Variants in CPAMD8 observed in about 807,000 individuals in gnomAD.
CPAMD8 encodes the protein C3 and PZP-like alpha-2-macroglobulin domain-containing protein 8.
CPAMD8 carries 146 observed loss-of-function variants against 224.7 expected under a neutral mutation model. That is an observed-to-expected ratio of 0.65 (90% CI 0.57 to 0.75). The LOEUF is 0.75. Among genes scored for constraint, CPAMD8 ranks in the 30% least tolerant of loss-of-function variants. The pLI is 0.00. For synonymous variants in CPAMD8, 966 were observed against 1,044.6 expected, an observed-to-expected ratio of 0.92 and a Z score of 1.45; for missense variants, 2,301 against 2,537.5, an observed-to-expected ratio of 0.91 and a Z score of 2.00.
chr19:16,948,895 AGGG>A (rs2054203242), intron 20 of CPAMD8, among the ~76,000 whole-genome samples: 1 of 83,774 alleles, frequency 1.2e-5, no homozygotes, highest in African/African-American at 4.9e-5. Context: ...AGGGAAGGGA[AGGG>A]AAGGGAAGGG....
chr19:16,900,513 G>A (rs2052208862), intron 36 of CPAMD8, among the ~76,000 whole-genome samples: 1 of 152,090 alleles, frequency 6.6e-6, no homozygotes, highest in South Asian at 2.1e-4. Context: ...CAGGAGAATT[G>A]CTTGAACCGG....
At chr19:16,915,389 C>T (rs1286284924) in intron 27 of CPAMD8, among the ~76,000 whole-genome samples, 1 of 152,080 alleles carries the variant, frequency 6.6e-6, no homozygotes, top group Non-Finnish European at 1.5e-5. Context: ...GAGGGAATAC[C>T]CAGGGATGGA....
At chr19:16,995,991 A>T (rs1023364301) in intron 11 of CPAMD8, among the ~76,000 whole-genome samples, 1 of 151,984 alleles carries the variant, frequency 6.6e-6, no homozygotes, top group Non-Finnish European at 1.5e-5. Flanking sequence ...CTCTACTAAA[A>T]ATACAAAAAT....
intron 18 of CPAMD8, among the ~76,000 whole-genome samples, chr19:16,970,238 C>CA (rs34399675): frequency 0.091 from 8,393 of 92,600 alleles, 1,160 homozygotes; most frequent in African/African-American, 0.3. Context: ...GACTCTGTCT[C>CA]AAAAAAAAAA....
At chr19:16,971,156 G>T (rs2055049873) in intron 17 of CPAMD8, 123 bp from the exon 18 acceptor site, 1 of 815,806 alleles carries the variant, frequency 1.2e-6, no homozygotes, top group Non-Finnish European at 1.9e-6. Context: ...AACCTTGGGG[G>T]CATCATTCTT....
In CPAMD8 at chr19:17,011,665, C is replaced by T. The variant is rs375926741; in HGVS notation, c.360G>A (p.Ser120=). Residue 120 remains serine, a synonymous_variant, in exon 4 of 42, where the codon TCG becomes TCA. Transcript: ENST00000443236. ...AAGCGCCCCGGCCGTCCACGGTCAC[C>T]GAGGTCTGGTTGTGAAAGAGGGGCC... ...EEGPLFHNQT[S]VTVDGRGASV... 20 of 1,613,940 alleles carry T rather than the reference C, an allele frequency of 1.2e-5. No homozygotes were observed. The highest frequency in any genetic ancestry group is 8.3e-5 in the Admixed American group (5 of 59,994).
At chr19:16,935,111 T>C (rs192628890) in intron 23 of CPAMD8, among the ~76,000 whole-genome samples, 2 of 152,322 alleles carry the variant, frequency 1.3e-5, no homozygotes, top group Admixed American at 1.3e-4. Flanking sequence ...TGTTTTTAAC[T>C]TAAAGTTTTG....
At chr19:17,010,129 A>G (rs1347878851) in intron 5 of CPAMD8, among the ~76,000 whole-genome samples, 28 of 152,238 alleles carry the variant, frequency 1.8e-4, no homozygotes. Flanking sequence ...ATCCTGGACC[A>G]GCAAAGAAAC....
chr19:16,911,846 T>C (rs939312834), intron 29 of CPAMD8, among the ~76,000 whole-genome samples: 1 of 152,100 alleles, frequency 6.6e-6, no homozygotes, highest in Admixed American at 6.5e-5. Flanking sequence ...ACCCAGACAG[T>C]TTTTGTATTT....
chr19:16,980,135 G>T (rs1214538807), intron 14 of CPAMD8, among the ~76,000 whole-genome samples: 1 of 152,152 alleles, frequency 6.6e-6, no homozygotes, highest in Non-Finnish European at 1.5e-5. Flanking sequence ...TGGGAGGAGG[G>T]CCTTATGAGG....
intron 18 of CPAMD8, among the ~76,000 whole-genome samples, chr19:16,967,867 A>ATATATGTGCATATATACACACACGTGTG (rs2054888671): frequency 7.6e-6 from 1 of 131,548 alleles, no homozygotes; most frequent in Admixed American, 7.9e-5. Context: ...ATATACTTGT[A>ATATATGTGCATATATACACACACGTGTG]TATATGTGCA....
chr19:16,901,104 G>T (rs1279669148), intron 36 of CPAMD8, 106 bp downstream of exon 36: 8 of 650,354 alleles, frequency 1.2e-5, no homozygotes, highest in African/African-American at 5.6e-5. Flanking sequence ...AATACCCATA[G>T]CATTTTACAA....
In CPAMD8 at chr19:17,000,403, C is replaced by T. The variant is rs1352047148; in HGVS notation, c.867+11G>A. On this transcript the variant is annotated intron_variant, in intron 10 of 41. Coordinates refer to ENST00000443236, the MANE Select transcript of CPAMD8 (RefSeq NM_015692.5). ...TTGGGTCAGGGGGTAGAAGGGGTCC[C>T]TGTTTCTCACCTTGGTTGTTCTGAG... 1 of 1,132,682 alleles carries T rather than the reference C, an allele frequency of 8.8e-7. No homozygotes were observed. The highest frequency in any genetic ancestry group is 1.3e-6 in the Non-Finnish European group (1 of 741,470). 70.2% of individuals were successfully genotyped at this position (1,132,682 alleles called of 1,614,324 possible).
At position 17,011,496 on chromosome 19, in the gene CPAMD8, C is replaced by A. The variant is rs533642927; in HGVS notation, c.454G>T (p.Val152Phe). The change falls in exon 5 of 42, where the codon GTC (valine) becomes TTC (phenylalanine). Residue 152 changes from valine to phenylalanine, a missense_variant. Physicochemically the swap from Val to Phe is conservative, Grantham distance 50. Transcript: ENST00000443236. The stretch of plus-strand genomic sequence containing the variant: ...TTGACAGGCCTCAGATTTGGAGAGA[C>A]GGTGAAGATGCTTATGAGCACTAGA... ...QHRVLISIFT[V>F]SPNLRPVNEK... is the part of the protein sequence containing the mutation. 1 of 1,614,192 alleles carries A rather than the reference C, an allele frequency of 6.2e-7. No homozygotes were observed. The highest frequency in any genetic ancestry group is 1.7e-5 in the Admixed American group (1 of 60,014).
intron 23 of CPAMD8, among the ~76,000 whole-genome samples, chr19:16,934,998 T>TG (rs2053644832): frequency 6.6e-6 from 1 of 152,202 alleles, no homozygotes; most frequent in Non-Finnish European, 1.5e-5. Flanking sequence ...CCCAGCCTCT[T>TG]GTAAACACCA....
intron 17 of CPAMD8, among the ~76,000 whole-genome samples, chr19:16,973,409 T>G (rs1397014796): frequency 6.6e-6 from 1 of 152,054 alleles, no homozygotes; most frequent in Non-Finnish European, 1.5e-5. Context: ...CAGGCTGGAG[T>G]GCAGTGGCGT....
chr19:16,922,332 A>G (rs2053207722), intron 26 of CPAMD8, among the ~76,000 whole-genome samples: 1 of 151,168 alleles, frequency 6.6e-6, no homozygotes, highest in Non-Finnish European at 1.5e-5. Flanking sequence ...GGGGTTCTTG[A>G]AACTGCCTCA....
Position 17,011,624 on chromosome 19 carries a change from G to A in CPAMD8, c.401C>T (p.Thr134Met), listed in dbSNP as rs757227350. Residue 134 changes from threonine to methionine, a missense_variant, in exon 4 of 42, where the codon ACG becomes ATG. Transcript: ENST00000443236. ...CTGGGGTCTGTACACAGGCTTGTCC[G>A]TCTGGATGAATACAGAAGCGCCCCG... ...DGRGASVFIQ[T>M]DKPVYRPQHR... is the part of the protein sequence containing the mutation. 80 of 1,614,054 alleles carry A rather than the reference G, an allele frequency of 5.0e-5. 1 individual carries two copies. Among genetic ancestry groups the A allele is most frequent in the Middle Eastern group, 1.6e-4 (1 of 6,084 alleles).
At chr19:16,930,889 T>C (rs2053526162) in intron 23 of CPAMD8, among the ~76,000 whole-genome samples, 1 of 152,002 alleles carries the variant, frequency 6.6e-6, no homozygotes, top group African/African-American at 2.4e-5. Context: ...CCCACTTACA[T>C]TCCCTGCTCA....
Sources: allele counts gnomAD v4.1 joint callset (sites outside exome capture counted in the v4.1 genomes callset), GRCh38; gene constraint gnomAD v4.1.1; transcripts MANE v1.5; gene names NCBI Gene and HGNC (gene_info 2026-07-23, HGNC 2026-07-21).